Variants in NPAS3 observed in about 807,000 individuals in gnomAD.
NPAS3 encodes neuronal PAS domain-containing protein 3.
A neutral mutation model predicts 73.1 loss-of-function variants in NPAS3; 14 were observed. That is an observed-to-expected ratio of 0.19 (90% CI 0.13 to 0.30). NPAS3 has a LOEUF of 0.30. NPAS3 is among the 10% of genes least tolerant of loss of function. NPAS3 has a pLI of 1.00. For missense variants in NPAS3, 1,096 were observed against 1,250.0 expected (o/e 0.88, Z 1.86); for synonymous variants, 620 against 541.5 (o/e 1.14, Z -2.01).
At chr14:33,366,415 A>T (rs767042047) in intron 3 of NPAS3, among the ~76,000 whole-genome samples, 1 of 151,866 alleles carries the variant, frequency 6.6e-6, no homozygotes, top group Non-Finnish European at 1.5e-5. Context: ...GATTATGAGG[A>T]CTCCTTGTGT....
intron 4 of NPAS3, among the ~76,000 whole-genome samples, chr14:33,447,382 G>C (rs1490822500): frequency 1.3e-5 from 2 of 152,216 alleles, no homozygotes; most frequent in Non-Finnish European, 2.9e-5. Context: ...GTGAGTGTGT[G>C]TGTGGGCGCA....
chr14:33,354,903 G>A (rs981393289), intron 3 of NPAS3, among the ~76,000 whole-genome samples: 4 of 152,082 alleles, frequency 2.6e-5, no homozygotes, highest in South Asian at 2.1e-4. Context: ...CAATAGCCAC[G>A]TTTTCAGCTT....
At position 33,147,730 on chromosome 14, in the gene NPAS3, A is replaced by AATATATATATAT. The variant is rs10674790; in HGVS notation, c.141-67438_141-67427dup. On this transcript the variant is annotated intron_variant, in intron 2 of 11. Transcript: ENST00000356141. ...CCCTAGAACTTAAAGTAGAATAAAAAATATATATATATATATATATATATA... is the reference window on the plus strand; with the variant it reads ...CCCTAGAACTTAAAGTAGAATAAAAAATATATATATATATATATATATATATATATATATATA... Among the ~76,000 whole-genome samples the AATATATATATAT allele has an allele frequency of 6.2e-3, 811 of 130,264 alleles. 5 individuals are homozygous for AATATATATATAT. The highest frequency in any genetic ancestry group is 0.023 in the African/African-American group (709 of 30,824). 85.5% of individuals were successfully genotyped at this position (130,264 alleles called of 152,430 possible). A position where few individuals can be genotyped will look rare whatever the true frequency, so the allele number is the denominator to read the frequency against.
At chr14:33,263,645 C>A (rs1187250986) in intron 3 of NPAS3, among the ~76,000 whole-genome samples, 1 of 151,888 alleles carries the variant, frequency 6.6e-6, no homozygotes, top group African/African-American at 2.4e-5. Flanking sequence ...AGTTTTTTTC[C>A]AATTCTGTGA....
At chr14:33,598,649 T>C (rs1267290550) in intron 5 of NPAS3, among the ~76,000 whole-genome samples, 1 of 152,266 alleles carries the variant, frequency 6.6e-6, no homozygotes, top group Non-Finnish European at 1.5e-5. Context: ...GGGACTTTAT[T>C]GTATGCTAAC....
chr14:33,071,995 A>G (rs2041501421), intron 2 of NPAS3, among the ~76,000 whole-genome samples: 1 of 152,074 alleles, frequency 6.6e-6, no homozygotes, highest in Admixed American at 6.6e-5. Flanking sequence ...GGTTCAAGCA[A>G]TTCTCTTGAC....
At chr14:32,986,101 G>T (rs1206132421) in intron 1 of NPAS3, among the ~76,000 whole-genome samples, 2 of 152,168 alleles carry the variant, frequency 1.3e-5, no homozygotes, top group Non-Finnish European at 2.9e-5. Flanking sequence ...TCTGTGTGCA[G>T]CTGTGGTTTT....
chr14:33,137,691 A>C (rs2043888144), intron 2 of NPAS3, among the ~76,000 whole-genome samples: 2 of 152,180 alleles, frequency 1.3e-5, no homozygotes, highest in East Asian at 3.8e-4. Flanking sequence ...AATATTTATA[A>C]TACTGTCAGT....
At chr14:33,476,767 T>C (rs1278387455) in intron 4 of NPAS3, among the ~76,000 whole-genome samples, 1 of 152,130 alleles carries the variant, frequency 6.6e-6, no homozygotes, top group African/African-American at 2.4e-5. Context: ...CCTTGTGGGG[T>C]ATTTGTTTCA....
chr14:33,310,937 C>A (rs968303498), intron 3 of NPAS3, among the ~76,000 whole-genome samples: 2 of 151,876 alleles, frequency 1.3e-5, no homozygotes, highest in African/African-American at 4.8e-5. Flanking sequence ...ACTTTTAGTT[C>A]TTATTTAATT....
At chr14:33,432,035 T>TA (rs1301724328) in intron 4 of NPAS3, among the ~76,000 whole-genome samples, 1 of 152,140 alleles carries the variant, frequency 6.6e-6, no homozygotes, top group African/African-American at 2.4e-5. Flanking sequence ...AGTTATTTCT[T>TA]AAAAACATTA....
chr14:33,304,293 T>C (rs1350863920), intron 3 of NPAS3, among the ~76,000 whole-genome samples: 2 of 152,180 alleles, frequency 1.3e-5, no homozygotes, highest in Non-Finnish European at 2.9e-5. Flanking sequence ...ACAGTGAATT[T>C]CAGTTATCCT....
intron 5 of NPAS3, among the ~76,000 whole-genome samples, chr14:33,668,322 T>C (rs1771528608): frequency 6.6e-6 from 1 of 152,224 alleles, no homozygotes; most frequent in Non-Finnish European, 1.5e-5. Context: ...AATTGTATGA[T>C]TTGTGCATTT....
chr14:33,223,084 T>C (rs1427450042), intron 3 of NPAS3, among the ~76,000 whole-genome samples: 1 of 152,046 alleles, frequency 6.6e-6, no homozygotes, highest in African/African-American at 2.4e-5. Context: ...CTGAAGCAGG[T>C]GGATCACCTG....
chr14:33,669,524 T>C (rs2059551609), intron 5 of NPAS3, among the ~76,000 whole-genome samples: 1 of 152,206 alleles, frequency 6.6e-6, no homozygotes, highest in Admixed American at 6.5e-5. Context: ...AAACCACTGC[T>C]TGCATAGTAT....
At chr14:33,137,977 C>T (rs550599495) in intron 2 of NPAS3, among the ~76,000 whole-genome samples, 41 of 151,638 alleles carry the variant, frequency 2.7e-4, no homozygotes, top group African/African-American at 9.0e-4. Context: ...AATACAAGCT[C>T]TCCTGCTTTT....
At chr14:33,615,346 C>T (rs1191277235) in intron 5 of NPAS3, among the ~76,000 whole-genome samples, 1 of 152,060 alleles carries the variant, frequency 6.6e-6, no homozygotes, top group Admixed American at 6.6e-5. Context: ...AGAAGTGAGA[C>T]AAGAGGCAGA....
chr14:32,983,981 C>G (rs1183698690), intron 1 of NPAS3, among the ~76,000 whole-genome samples: 1 of 152,164 alleles, frequency 6.6e-6, no homozygotes, highest in Admixed American at 6.5e-5. Context: ...CTTGGCCTCC[C>G]AAAGTGCTGG....
chr14:33,443,390 C>A (rs2049338986), intron 4 of NPAS3, among the ~76,000 whole-genome samples: 1 of 151,994 alleles, frequency 6.6e-6, no homozygotes, highest in African/African-American at 2.4e-5. Context: ...ATAAAATGTT[C>A]CAAAGATTGC....
Sources: gnomAD v4.1 joint callset for allele counts (sites outside exome capture counted in the v4.1 genomes callset) on GRCh38, gnomAD v4.1.1 for gene constraint, MANE v1.5 for transcripts, NCBI Gene and HGNC (gene_info 2026-07-23, HGNC 2026-07-21) for gene names.